The following ITPR2 variants were observed in gnomAD, a reference collection of about 807,000 sequenced individuals.
The protein encoded by ITPR2 is inositol 1,4,5-trisphosphate receptor type 2, also known as inositol 1,4,5-trisphosphate-gated calcium channel ITPR2.
Under a neutral mutation model 317.1 loss-of-function variants are expected in ITPR2, and 207 were observed. That is an observed-to-expected ratio of 0.65 (90% confidence interval 0.58 to 0.73). The LOEUF (loss-of-function observed/expected upper bound fraction) is 0.73, where lower values mean the gene tolerates loss of function less well. Among genes scored for constraint, ITPR2 ranks in the 30% least tolerant of loss-of-function variants. The pLI, the probability that ITPR2 is intolerant of heterozygous loss-of-function variation, is 0.00. For missense variants in ITPR2, 2,613 were observed against 3,284.0 expected (o/e 0.80, Z 4.99); for synonymous variants, 1,156 against 1,149.1 (o/e 1.01, Z -0.12).
intron 13 of ITPR2, among the ~76,000 whole-genome samples, chr12:26,671,289 C>T (rs1303821204): frequency 6.6e-6 from 1 of 152,146 alleles, no homozygotes; most frequent in Non-Finnish European, 1.5e-5. Flanking sequence ...ATGTTAAGGG[C>T]AGCCAGAGAG....
chr12:26,773,018 T>G (rs1448120013), intron 2 of ITPR2, among the ~76,000 whole-genome samples: 2 of 152,214 alleles, frequency 1.3e-5, no homozygotes, highest in East Asian at 3.9e-4. Context: ...GGTTTTCTCT[T>G]CCTGTATTAG....
intron 52 of ITPR2, among the ~76,000 whole-genome samples, chr12:26,406,887 T>G (rs777811709): frequency 6.6e-6 from 1 of 152,136 alleles, no homozygotes; most frequent in Non-Finnish European, 1.5e-5. Context: ...ATACAAAAAG[T>G]GTATGGAAGA....
At chr12:26,658,730 C>A (rs527929409) in intron 16 of ITPR2, among the ~76,000 whole-genome samples, 1 of 152,262 alleles carries the variant, frequency 6.6e-6, no homozygotes, top group South Asian at 2.1e-4. Flanking sequence ...TATCAGGGTA[C>A]GCTTGGGCAA....
intron 4 of ITPR2, among the ~76,000 whole-genome samples, chr12:26,724,419 T>C (rs1189335007): frequency 1.1e-4 from 17 of 152,208 alleles, no homozygotes; most frequent in Non-Finnish European, 2.4e-4. Context: ...ATGTAATAAC[T>C]TGTGTATACA....
At chr12:26,722,141 C>A (rs1948849582) in intron 5 of ITPR2, among the ~76,000 whole-genome samples, 2 of 152,110 alleles carry the variant, frequency 1.3e-5, no homozygotes, top group Admixed American at 6.6e-5. Flanking sequence ...AAAGTCTCAG[C>A]CAATATTAAG....
intron 13 of ITPR2, among the ~76,000 whole-genome samples, chr12:26,669,516 A>G (rs1160371042): frequency 1.3e-5 from 2 of 152,272 alleles, no homozygotes; most frequent in African/African-American, 4.8e-5. Flanking sequence ...GAAACTTAAG[A>G]CATCAAAAGC....
intron 55 of ITPR2, among the ~76,000 whole-genome samples, chr12:26,341,641 T>C (rs901194368): frequency 6.6e-6 from 1 of 152,244 alleles, no homozygotes; most frequent in Non-Finnish European, 1.5e-5. Flanking sequence ...TGTAGCTAAT[T>C]AGCATTTCAA....
chr12:26,680,055 T>C (rs1158448788), intron 13 of ITPR2, among the ~76,000 whole-genome samples: 2 of 152,038 alleles, frequency 1.3e-5, no homozygotes, highest in African/African-American at 4.8e-5. Flanking sequence ...TGTAAATGAA[T>C]AGTTAAAAGT....
At chr12:26,498,128 T>C (rs961549565) in intron 37 of ITPR2, among the ~76,000 whole-genome samples, 2 of 152,242 alleles carry the variant, frequency 1.3e-5, no homozygotes, top group Non-Finnish European at 2.9e-5. Flanking sequence ...TCTTAGAACA[T>C]AGACAGTTAT....
rs539948886 is a variant in ITPR2 at position 26,721,518 on chromosome 12, T to A, written c.525+879A>T. Reference sequence around the variant, plus strand: ...TGCTTCGAATTCATGTTAATTTTTTTAAATCTTAACTATTGATCCCCTGAT... The same window carrying A: ...TGCTTCGAATTCATGTTAATTTTTTAAAATCTTAACTATTGATCCCCTGAT... On this transcript the variant is annotated intron_variant, in intron 5 of 56. Coordinates refer to ENST00000381340, the MANE Select transcript of ITPR2 (RefSeq NM_002223.4). Among the ~76,000 whole-genome samples the A allele has an allele frequency of 5.3e-5, 8 of 152,318 alleles. No individual in the cohort carries two copies. In the South Asian group the frequency reaches 1.5e-3, roughly 28 times the overall value.
chr12:26,428,180 T>G lies in ITPR2; in HGVS notation c.6770-92A>C, dbSNP rs1346156610. ...CTCTACTTTATATGGTATCATTAAG[T>G]CAAAGCCATAATCCAGTAAATTTCA... On this transcript the variant is annotated intron_variant, in intron 48 of 56. Transcript: ENST00000381340. 4.4e-6 allele frequency: 4 copies of G among 914,870 alleles called. No individual in the cohort carries two copies. The South Asian group carries it at 9.8e-5, about 22-fold the overall frequency. 56.7% of individuals were successfully genotyped at this position (914,870 alleles called of 1,614,324 possible).
intron 34 of ITPR2, among the ~76,000 whole-genome samples, chr12:26,568,093 T>C (rs982002070): frequency 6.7e-6 from 1 of 148,296 alleles, no homozygotes; most frequent in African/African-American, 2.5e-5. Context: ...CTGCCCCATC[T>C]GTCTCTCAAT....
At position 26,415,314 on chromosome 12, in the gene ITPR2, G is replaced by C. The variant is rs1940687555; in HGVS notation, c.7295C>G (p.Thr2432Ser). ...GGTAATAGCAATACCTGTAACAGGA[G>C]TTCGGTTTTTCAGCCTATCAACTTC... is the stretch of plus-strand genomic sequence containing the variant. Reference protein sequence around the residue: ...TMEVDRLKNRTPVTGSHQVPT... With the variant: ...TMEVDRLKNRSPVTGSHQVPT... Residue 2432 changes from threonine (T) to serine (S), a missense_variant, in exon 51 of 57, where the codon ACT becomes AGT. By Grantham distance (58) the Thr-to-Ser change is moderately conservative. Coordinates refer to ENST00000381340, the MANE Select transcript of ITPR2 (RefSeq NM_002223.4). 1.2e-6 allele frequency: 2 copies of C among 1,601,018 alleles called. No individual in the cohort carries two copies. The highest frequency in any genetic ancestry group is 2.7e-5 in the African/African-American group (2 of 74,038).
intron 45 of ITPR2, among the ~76,000 whole-genome samples, chr12:26,455,873 A>G (rs1941871283): frequency 1.3e-5 from 2 of 152,210 alleles, no homozygotes; most frequent in South Asian, 4.1e-4. Context: ...TGAATTATCT[A>G]TAAGTAAAAC....
chr12:26,825,653 G>A (rs370099952), intron 1 of ITPR2, among the ~76,000 whole-genome samples: 2 of 152,308 alleles, frequency 1.3e-5, no homozygotes. Flanking sequence ...AGGGGTGGTT[G>A]TTTACTTGAC....
At chr12:26,730,194 C>A (rs1949002815) in intron 2 of ITPR2, among the ~76,000 whole-genome samples, 1 of 152,158 alleles carries the variant, frequency 6.6e-6, no homozygotes, top group Admixed American at 6.5e-5. Context: ...AGGATTAGAT[C>A]TTCATTACCA....
At chr12:26,824,017 A>G (rs999211033) in intron 1 of ITPR2, among the ~76,000 whole-genome samples, 11 of 152,208 alleles carry the variant, frequency 7.2e-5, no homozygotes, top group African/African-American at 2.7e-4. Context: ...TCAACTTACA[A>G]TGGGGTAACA....
In ITPR2 at chr12:26,681,924, C is replaced by T. The variant is rs754507675; in HGVS notation, c.1359G>A (p.Ala453=). ...CGTTTTCTAGCTTTTTAACTGTGGT[C>T]GCTAGTACTTTATTGGCATCATTGG... is the stretch of plus-strand genomic sequence containing the variant. The part of the protein sequence containing the change: ...DFANDANKVL[A]TTVKKLENGT... Residue 453 remains alanine, a synonymous_variant, in exon 13 of 57, where the codon GCG becomes GCA. Transcript: ENST00000381340. 6 of 1,613,150 alleles carry T rather than the reference C, an allele frequency of 3.7e-6. No homozygotes were observed. The highest frequency in any genetic ancestry group is 1.6e-4 in the Middle Eastern group (1 of 6,076).
chr12:26,447,346 A>T (rs1245536185), intron 45 of ITPR2, among the ~76,000 whole-genome samples: 1 of 151,820 alleles, frequency 6.6e-6, no homozygotes, highest in African/African-American at 2.4e-5. Context: ...ATATTTTAAT[A>T]TTTTTTCTTG....
Sources: allele counts gnomAD v4.1 joint callset (sites outside exome capture counted in the v4.1 genomes callset), GRCh38; gene constraint gnomAD v4.1.1; transcripts MANE v1.5; gene names NCBI Gene and HGNC (gene_info 2026-07-23, HGNC 2026-07-21).